Variants in TBX20 observed in about 807,000 individuals in gnomAD.
TBX20 encodes T-box transcription factor TBX20.
In TBX20, 8 loss-of-function variants were observed where a neutral mutation model predicts 42.9. The observed-to-expected ratio is 0.19, with a 90% CI of 0.11 to 0.34. TBX20 has a LOEUF of 0.34. Ranked by LOEUF, TBX20 falls within the 10% of genes least tolerant of loss-of-function variation. The pLI, the probability that TBX20 is intolerant of heterozygous loss-of-function variation, is 1.00. For missense variants in TBX20, 411 were observed against 566.0 expected, an observed-to-expected ratio of 0.73 and a Z score of 2.78; for synonymous variants, 198 against 222.8, an observed-to-expected ratio of 0.89 and a Z score of 0.99.
At chr7:35,229,297 G>A (rs2128713196) in intron 6 of TBX20, among the ~76,000 whole-genome samples, 1 of 152,212 alleles carries the variant, frequency 6.6e-6, no homozygotes, top group Non-Finnish European at 1.5e-5. Flanking sequence ...TCAGTTACAA[G>A]GAGCAATTCA....
intron 6 of TBX20, among the ~76,000 whole-genome samples, chr7:35,228,062 CAA>C (rs890779678): frequency 6.7e-6 from 1 of 149,314 alleles, no homozygotes; most frequent in Non-Finnish European, 1.5e-5. Flanking sequence ...GTTCCTTTTC[CAA>C]ATTTTTAAAC....
At chr7:35,225,469 AAAC>A (rs1789754060) in intron 6 of TBX20, among the ~76,000 whole-genome samples, 3 of 152,184 alleles carry the variant, frequency 2.0e-5, no homozygotes, top group African/African-American at 7.2e-5. Context: ...TTTGCACACT[AAAC>A]AGTATTATTT....
chr7:35,208,436 T>C (rs1047206950), intron 6 of TBX20, among the ~76,000 whole-genome samples: 1 of 152,058 alleles, frequency 6.6e-6, no homozygotes, highest in African/African-American at 2.4e-5. Context: ...ACCTGTACAA[T>C]GTTGAATTAG....
At chr7:35,228,658 G>T (rs13236126) in intron 6 of TBX20, among the ~76,000 whole-genome samples, 6 of 151,938 alleles carry the variant, frequency 3.9e-5, no homozygotes, top group Non-Finnish European at 8.8e-5. Flanking sequence ...AAAGTGAACC[G>T]CATGCCCCCA....
intron 4 of TBX20, among the ~76,000 whole-genome samples, chr7:35,241,246 A>AAACCAC (rs1416120703): frequency 1.3e-5 from 2 of 152,242 alleles, no homozygotes; most frequent in Non-Finnish European, 2.9e-5. Context: ...AAACAACTGC[A>AAACCAC]AACCACACAG....
intron 3 of TBX20, among the ~76,000 whole-genome samples, chr7:35,247,177 A>C (rs1477065521): frequency 6.6e-6 from 1 of 151,282 alleles, no homozygotes; most frequent in Non-Finnish European, 1.5e-5. Context: ...AAAAAAAAAA[A>C]AAAAAAAAAG....
chr7:35,209,963 G>A (rs1410082409), intron 6 of TBX20, among the ~76,000 whole-genome samples: 1 of 152,098 alleles, frequency 6.6e-6, no homozygotes, highest in Non-Finnish European at 1.5e-5. Context: ...GGACTTTTGA[G>A]ATATCTTCCT....
intron 6 of TBX20, among the ~76,000 whole-genome samples, chr7:35,206,697 C>T (rs967011156): frequency 6.6e-6 from 1 of 152,230 alleles, no homozygotes; most frequent in Admixed American, 6.5e-5. Context: ...TGGTCCCCAT[C>T]GCAACAAACC....
intron 6 of TBX20, among the ~76,000 whole-genome samples, chr7:35,206,212 T>C (rs1055412415): frequency 1.3e-5 from 2 of 152,142 alleles, no homozygotes; most frequent in East Asian, 3.9e-4. Flanking sequence ...CAAACTATAT[T>C]GAGATATGAT....
At chr7:35,220,282 T>C (rs963716788) in intron 6 of TBX20, among the ~76,000 whole-genome samples, 1 of 152,174 alleles carries the variant, frequency 6.6e-6, no homozygotes, top group Non-Finnish European at 1.5e-5. Context: ...GGGGAACAGG[T>C]TGCCACACAG....
intron 5 of TBX20, among the ~76,000 whole-genome samples, chr7:35,235,327 A>T (rs974264968): frequency 1.3e-5 from 2 of 150,774 alleles, no homozygotes; most frequent in African/African-American, 4.8e-5. Context: ...CTAATGAGAA[A>T]AAGAAGCTGA....
chr7:35,211,575 A>C (rs1789496568), intron 6 of TBX20, among the ~76,000 whole-genome samples: 1 of 152,130 alleles, frequency 6.6e-6, no homozygotes, highest in Non-Finnish European at 1.5e-5. Context: ...CAACTTACAA[A>C]TTTTCAGCTT....
intron 5 of TBX20, among the ~76,000 whole-genome samples, chr7:35,236,246 C>A (rs995123909): frequency 6.6e-6 from 1 of 151,230 alleles, no homozygotes; most frequent in Non-Finnish European, 1.5e-5. Context: ...GCAGTCATAT[C>A]CAAAGCTTAA....
At chr7:35,227,883 C>A (rs1477625506) in intron 6 of TBX20, among the ~76,000 whole-genome samples, 1 of 152,070 alleles carries the variant, frequency 6.6e-6, no homozygotes, top group East Asian at 1.9e-4. Context: ...AAACGGATAG[C>A]AGTGATGGTT....
chr7:35,220,215 A>T (rs1194302651), intron 6 of TBX20, among the ~76,000 whole-genome samples: 1 of 152,088 alleles, frequency 6.6e-6, no homozygotes, highest in African/African-American at 2.4e-5. Context: ...CTTCATCAAA[A>T]CCCCAACTTG....
chr7:35,230,320 C>T (rs1789845745), intron 6 of TBX20, among the ~76,000 whole-genome samples: 1 of 152,200 alleles, frequency 6.6e-6, no homozygotes, highest in Non-Finnish European at 1.5e-5. Flanking sequence ...TGCCTTCTCT[C>T]TGGACTTTGC....
intron 5 of TBX20, 125 bp from the exon 6 acceptor site, chr7:35,231,705 G>T: frequency 1.4e-6 from 1 of 724,186 alleles, no homozygotes; most frequent in South Asian, 1.5e-5. Context: ...CCTGAGAAGG[G>T]TGGAAAATGC....
intron 7 of TBX20, among the ~76,000 whole-genome samples, chr7:35,203,308 T>A (rs114392052): frequency 0.026 from 3,897 of 152,168 alleles, 62 homozygotes; most frequent in East Asian, 0.06. Context: ...CGGGTCCACT[T>A]ACATGCAGAT....
intron 3 of TBX20, among the ~76,000 whole-genome samples, chr7:35,245,980 G>C (rs1790175453): frequency 6.6e-6 from 1 of 152,048 alleles, no homozygotes; most frequent in Non-Finnish European, 1.5e-5. Context: ...CCACGTAAAA[G>C]GTTATTTACA....
Sources: allele counts gnomAD v4.1 joint callset (sites outside exome capture counted in the v4.1 genomes callset), GRCh38; gene constraint gnomAD v4.1.1; transcripts MANE v1.5; gene names NCBI Gene and HGNC (gene_info 2026-07-23, HGNC 2026-07-21).